The following TIAM1 variants were observed in gnomAD, a reference collection of about 807,000 sequenced individuals.
TIAM1 encodes TIAM Rac1 associated GEF 1.
Under a neutral mutation model 163.5 loss-of-function variants are expected in TIAM1, and 65 were observed. The ratio of observed to expected loss-of-function variants is 0.40; its 90% CI spans 0.33 to 0.49. TIAM1 has a LOEUF of 0.49. Ranked by LOEUF, TIAM1 falls within the 20% of genes least tolerant of loss-of-function variation. The probability of loss-of-function intolerance (pLI) is 0.77; values close to 1 mark genes in which losing one functional copy is unlikely to be tolerated. For missense variants in TIAM1, 1,789 were observed against 2,044.7 expected (o/e 0.87, Z 2.41); for synonymous variants, 833 against 810.1 (o/e 1.03, Z -0.48).
intron 2 of TIAM1, among the ~76,000 whole-genome samples, chr21:31,388,259 A>ACACACACACACACACACACACAC (rs1555964695): frequency 3.0e-4 from 29 of 98,172 alleles, no homozygotes; most frequent in Admixed American, 1.6e-3. Context: ...ACACACACAC[A>ACACACACACACACACACACACAC]ACCTCTTACG....
rs543118916 is a variant in TIAM1 at position 31,395,712 on chromosome 21, G to A, written c.-368-56290C>T. ...TCTATCTTGGGGAGGGGGCGCATGC[G>A]TTCCCCTGGCTGTCGCGTGAAAATT... On this transcript the variant is annotated intron_variant, in intron 2 of 28. Coordinates refer to the TIAM1 transcript ENST00000286827. This position sits in a 1 kb window ranked among gnomAD's most constrained non-coding sequence, Gnocchi z 7.5. Among the ~76,000 whole-genome samples, 167 of 152,258 alleles carry A rather than the reference G, an allele frequency of 1.1e-3. 1 individual carries two copies. The highest frequency in any genetic ancestry group is 2.8e-3 in the African/African-American group (116 of 41,556).
chr21:31,243,732 G>A (rs1312714230), intron 6 of TIAM1, among the ~76,000 whole-genome samples: 3 of 152,064 alleles, frequency 2.0e-5, no homozygotes, highest in Admixed American at 6.6e-5. Flanking sequence ...ACTGTTTAAC[G>A]ACAAAGTCAC....
chr21:31,505,170 C>A (rs780207806), intron 1 of TIAM1, among the ~76,000 whole-genome samples: 6 of 152,148 alleles, frequency 3.9e-5, no homozygotes, highest in Non-Finnish European at 7.4e-5. Context: ...GCCGGGCGAC[C>A]ACAAGGCCAA....
chr21:31,467,071 G>A (rs2045560354), intron 1 of TIAM1, among the ~76,000 whole-genome samples: 1 of 151,782 alleles, frequency 6.6e-6, no homozygotes, highest in Non-Finnish European at 1.5e-5. Flanking sequence ...AACTACCCTA[G>A]CAAAGTTAAA....
chr21:31,383,711 T>C (rs1379878746), intron 2 of TIAM1, among the ~76,000 whole-genome samples: 3 of 152,186 alleles, frequency 2.0e-5, no homozygotes, highest in Non-Finnish European at 4.4e-5. Context: ...ACCTTGTATC[T>C]ATCTACTACA....
intron 2 of TIAM1, among the ~76,000 whole-genome samples, chr21:31,359,657 C>T (rs752301687): frequency 1.3e-5 from 2 of 151,832 alleles, no homozygotes; most frequent in African/African-American, 2.4e-5. Context: ...GGCATGGTGG[C>T]GGGTGCCTGT....
At chr21:31,357,814 A>G (rs2147128815) in intron 2 of TIAM1, among the ~76,000 whole-genome samples, 1 of 152,246 alleles carries the variant, frequency 6.6e-6, no homozygotes, top group African/African-American at 2.4e-5. Flanking sequence ...GACCTATTCT[A>G]TCAGCAGCAT....
chr21:31,451,760 T>TGTGTGTGA lies in TIAM1; in HGVS notation c.-369+12222_-369+12223insTCACACAC, dbSNP rs1491328799. 2.2e-3 allele frequency among the ~76,000 whole-genome samples: 300 copies of TGTGTGTGA among 138,186 alleles called. 2 individuals are homozygous for TGTGTGTGA. Among genetic ancestry groups the TGTGTGTGA allele is most frequent in the African/African-American group, 8.5e-3 (290 of 34,270 alleles). 90.7% of individuals were successfully genotyped at this position (138,186 alleles called of 152,430 possible). A position where few individuals can be genotyped will look rare whatever the true frequency, so the allele number is the denominator to read the frequency against. ...GTGTGTGTGTGTGTGTGTGTGTGTG[T>TGTGTGTGA]GAGACACAGAGAGAGAGAGAGAGAG... is the stretch of plus-strand genomic sequence containing the variant. On this transcript the variant is annotated intron_variant, in intron 2 of 28. Transcript: ENST00000286827.
At chr21:31,184,385 T>A (rs929001305) in intron 14 of TIAM1, among the ~76,000 whole-genome samples, 1 of 151,508 alleles carries the variant, frequency 6.6e-6, no homozygotes, top group Non-Finnish European at 1.5e-5. Context: ...GGATTACAGG[T>A]GTGAGCCACC....
At chr21:31,478,652 T>G (rs977824002) in intron 1 of TIAM1, among the ~76,000 whole-genome samples, 4 of 152,222 alleles carry the variant, frequency 2.6e-5, no homozygotes, top group African/African-American at 9.7e-5. Context: ...AAAATAAAGC[T>G]TCTAAGTTGG....
Position 31,317,861 on chromosome 21 carries a change from A to T in TIAM1, c.-189+21382T>A, listed in dbSNP as rs143935517. ...CTGTGACTTTCCAATTTTAGGACAA[A>T]AGTACATGTGCCTACTTGATGAGAC... On this transcript the variant is annotated intron_variant, in intron 2 of 27. Transcript: ENST00000541036. 5.9e-5 allele frequency among the ~76,000 whole-genome samples: 9 copies of T among 152,312 alleles called. No individual in the cohort carries two copies. In the East Asian group the frequency reaches 1.7e-3, roughly 29 times the overall value.
intron 2 of TIAM1, among the ~76,000 whole-genome samples, chr21:31,282,984 A>G (rs2073636322): frequency 6.6e-6 from 1 of 152,262 alleles, no homozygotes; most frequent in Non-Finnish European, 1.5e-5. Flanking sequence ...GGAACTATCT[A>G]AAATCATAAC....
intron 23 of TIAM1, 131 bp downstream of exon 23, chr21:31,135,802 G>T: frequency 1.2e-6 from 1 of 803,424 alleles, no homozygotes; most frequent in Non-Finnish European, 2.0e-6. Context: ...GGTGGCTACG[G>T]CAGGAAGACC....
At chr21:31,133,317 C>T (rs886496571) in intron 23 of TIAM1, among the ~76,000 whole-genome samples, 3 of 152,288 alleles carry the variant, frequency 2.0e-5, no homozygotes, top group African/African-American at 7.2e-5. Context: ...TAATGATAAA[C>T]ACGTCTTGTA....
At chr21:31,438,631 T>C (rs13049974) in intron 2 of TIAM1, among the ~76,000 whole-genome samples, 14,320 of 152,226 alleles carry the variant, frequency 0.094, 895 homozygotes, top group South Asian at 0.21. Flanking sequence ...TTTTCTTGCA[T>C]GTGTCCTGCT....
At chr21:31,255,298 T>C (rs1293298341) in intron 4 of TIAM1, among the ~76,000 whole-genome samples, 2 of 152,196 alleles carry the variant, frequency 1.3e-5, no homozygotes, top group African/African-American at 2.4e-5. Flanking sequence ...CCCACTGATA[T>C]GTGACCCAGC....
intron 1 of TIAM1, among the ~76,000 whole-genome samples, chr21:31,505,362 T>C (rs1334506804): frequency 6.6e-6 from 1 of 151,964 alleles, no homozygotes. Flanking sequence ...TTAAAAGATA[T>C]GAAAGGTCAA....
intron 4 of TIAM1, among the ~76,000 whole-genome samples, chr21:31,257,625 A>G (rs1007136843): frequency 4.0e-5 from 6 of 151,874 alleles, no homozygotes; most frequent in African/African-American, 1.2e-4. Flanking sequence ...CCTTCCATCA[A>G]TCCATCCGGC....
intron 2 of TIAM1, among the ~76,000 whole-genome samples, chr21:31,293,801 T>C (rs989124144): frequency 3.3e-5 from 5 of 152,206 alleles, no homozygotes; most frequent in Non-Finnish European, 7.3e-5. Flanking sequence ...GCCAACATCA[T>C]CAAGAGTGGT....
Sources: allele counts gnomAD v4.1 joint callset (sites outside exome capture counted in the v4.1 genomes callset), GRCh38; gene constraint gnomAD v4.1.1; non-coding constraint Gnocchi (gnomAD v3.1); transcripts MANE v1.5; gene names NCBI Gene and HGNC (gene_info 2026-07-23, HGNC 2026-07-21).